CTNNA3: variants seen among roughly 807,000 people sequenced by gnomAD.
The protein encoded by CTNNA3 is catenin alpha-3.
CTNNA3 carries 76 observed loss-of-function variants against 95.7 expected under a neutral mutation model. The ratio of observed to expected loss-of-function variants is 0.79; its 90% CI spans 0.66 to 0.96. The LOEUF (loss-of-function observed/expected upper bound fraction) is 0.96, where lower values mean the gene tolerates loss of function less well. Among genes scored for constraint, CTNNA3 ranks in the 40% least tolerant of loss-of-function variants. The pLI is 0.00. For synonymous variants in CTNNA3, 431 were observed against 374.4 expected (o/e 1.15, Z -1.74); for missense variants, 1,191 against 1,089.8 (o/e 1.09, Z -1.31).
intron 7 of CTNNA3, among the ~76,000 whole-genome samples, chr10:66,858,823 C>T (rs762068231): frequency 2.6e-5 from 4 of 151,648 alleles, no homozygotes; most frequent in African/African-American, 4.8e-5. Flanking sequence ...TCTATTCTTT[C>T]GAGTAACAAA....
chr10:67,757,683 T>C (rs1202765261), intron 1 of CTNNA3, among the ~76,000 whole-genome samples: 1 of 152,138 alleles, frequency 6.6e-6, no homozygotes, highest in Non-Finnish European at 1.5e-5. Context: ...CTCAGGCCTT[T>C]GGCCACAGAC....
chr10:67,219,472 A>G, intron 6 of CTNNA3, 135 bp downstream of exon 6: 1 of 916,140 alleles, frequency 1.1e-6, no homozygotes. Flanking sequence ...GGAAGACTCA[A>G]GAAGGTGATA....
At chr10:66,538,996 T>C (rs1182344515) in intron 10 of CTNNA3, among the ~76,000 whole-genome samples, 4 of 152,124 alleles carry the variant, frequency 2.6e-5, no homozygotes, top group Non-Finnish European at 5.9e-5. Context: ...TCCGTTCAAG[T>C]AATATGGTGT....
At chr10:66,441,653 G>A (rs1045595912) in intron 11 of CTNNA3, among the ~76,000 whole-genome samples, 13 of 151,986 alleles carry the variant, frequency 8.6e-5, no homozygotes, top group East Asian at 1.9e-4. Context: ...ATTTTTCTTC[G>A]TTTACTCTCT....
chr10:66,063,047 T>C (rs553051860), intron 15 of CTNNA3, among the ~76,000 whole-genome samples: 6 of 152,106 alleles, frequency 3.9e-5, no homozygotes, highest in African/African-American at 1.4e-4. Flanking sequence ...AACCTCACCA[T>C]CTGTCAAGTG....
At chr10:66,864,727 C>T (rs530495331) in intron 7 of CTNNA3, among the ~76,000 whole-genome samples, 13 of 152,050 alleles carry the variant, frequency 8.5e-5, no homozygotes, top group East Asian at 3.9e-4. Flanking sequence ...TGCAATAGAA[C>T]GTCTCATACT....
intron 1 of CTNNA3, among the ~76,000 whole-genome samples, chr10:67,735,014 G>C (rs978612161): frequency 6.6e-6 from 1 of 152,016 alleles, no homozygotes; most frequent in Non-Finnish European, 1.5e-5. Flanking sequence ...ATTTCTTCAA[G>C]TAACATGTAT....
intron 14 of CTNNA3, among the ~76,000 whole-genome samples, chr10:66,096,093 T>C (rs1488238027): frequency 6.6e-6 from 1 of 152,188 alleles, no homozygotes; most frequent in East Asian, 1.9e-4. Context: ...TATTTAAATG[T>C]CTTGTTTTTA....
intron 13 of CTNNA3, among the ~76,000 whole-genome samples, chr10:66,185,953 A>T (rs2086318478): frequency 6.6e-6 from 1 of 151,946 alleles, no homozygotes; most frequent in African/African-American, 2.4e-5. Context: ...ATATATACAC[A>T]TACACATATA....
chr10:66,690,064 G>A (rs1411685802), intron 9 of CTNNA3, among the ~76,000 whole-genome samples: 1 of 152,086 alleles, frequency 6.6e-6, no homozygotes, highest in Non-Finnish European at 1.5e-5. Context: ...GAGAAATTTG[G>A]AAAAGGGAAA....
At chr10:67,423,884 C>T (rs778598873) in intron 5 of CTNNA3, among the ~76,000 whole-genome samples, 5 of 152,098 alleles carry the variant, frequency 3.3e-5, no homozygotes, top group Admixed American at 6.6e-5. Flanking sequence ...TTATCAAAAA[C>T]GAAAGTGCCT....
chr10:67,548,998 T>A (rs917933330), intron 3 of CTNNA3, among the ~76,000 whole-genome samples: 2 of 152,108 alleles, frequency 1.3e-5, no homozygotes, highest in African/African-American at 4.8e-5. Flanking sequence ...AATAAGCACA[T>A]AAAATGACAT....
chr10:65,930,775 G>A (rs182379226), intron 17 of CTNNA3, among the ~76,000 whole-genome samples: 2 of 152,220 alleles, frequency 1.3e-5, no homozygotes, highest in East Asian at 3.9e-4. Context: ...ATGATAGAGG[G>A]ATGGGCTTTA....
At chr10:66,313,534 C>G (rs1434811584) in intron 12 of CTNNA3, among the ~76,000 whole-genome samples, 2 of 152,182 alleles carry the variant, frequency 1.3e-5, no homozygotes, top group Non-Finnish European at 2.9e-5. Flanking sequence ...CCAGCTTGTA[C>G]AGTGTCTGGC....
intron 7 of CTNNA3, among the ~76,000 whole-genome samples, chr10:67,074,599 C>T (rs936489442): frequency 2.6e-5 from 4 of 152,074 alleles, no homozygotes; most frequent in Admixed American, 6.5e-5. Context: ...ATCCACCCAC[C>T]TCGGGTTCCC....
chr10:67,672,459 C>A (rs1368211524), intron 1 of CTNNA3, among the ~76,000 whole-genome samples: 1 of 152,122 alleles, frequency 6.6e-6, no homozygotes, highest in Non-Finnish European at 1.5e-5. Context: ...AATGGTATCG[C>A]CTAGGTTTTC....
intron 5 of CTNNA3, among the ~76,000 whole-genome samples, chr10:67,230,073 A>C (rs1865115271): frequency 6.6e-6 from 1 of 152,210 alleles, no homozygotes; most frequent in Non-Finnish European, 1.5e-5. Context: ...TTCAAACTAT[A>C]CTATAAGGCC....
intron 1 of CTNNA3, among the ~76,000 whole-genome samples, chr10:67,703,596 C>G (rs1383489616): frequency 1.3e-5 from 2 of 152,148 alleles, no homozygotes; most frequent in East Asian, 1.9e-4. Flanking sequence ...TAAAAACTCT[C>G]AATAAATTAG....
At chr10:65,938,501 T>C (rs1246978813) in intron 17 of CTNNA3, among the ~76,000 whole-genome samples, 1 of 152,170 alleles carries the variant, frequency 6.6e-6, no homozygotes, top group Admixed American at 6.5e-5. Context: ...CTGGGGACTT[T>C]AAGGGGTTGG....
Sources: allele counts gnomAD v4.1 joint callset (sites outside exome capture counted in the v4.1 genomes callset), GRCh38; gene constraint gnomAD v4.1.1; transcripts MANE v1.5; gene names NCBI Gene and HGNC (gene_info 2026-07-23, HGNC 2026-07-21).